The following IL15RA variants were observed in gnomAD, a reference collection of about 807,000 sequenced individuals.
The protein encoded by IL15RA is interleukin 15 receptor subunit alpha.
In IL15RA, 26 loss-of-function variants were observed where a neutral mutation model predicts 24.2. The ratio of observed to expected loss-of-function variants is 1.07; its 90% CI spans 0.79 to 1.49. The LOEUF is 1.49. IL15RA is among the 40% of genes most tolerant of loss of function. The probability of loss-of-function intolerance (pLI) is 0.00; values close to 1 mark genes in which losing one functional copy is unlikely to be tolerated. For missense variants in IL15RA, 354 were observed against 356.4 expected (o/e 0.99, Z 0.05); for synonymous variants, 166 against 157.6 (o/e 1.05, Z -0.40).
chr10:5,956,227 C>T, intron 6 of IL15RA, 152 bp downstream of exon 6: 2 of 623,536 alleles, frequency 3.2e-6, no homozygotes, highest in Non-Finnish European at 5.8e-6. Flanking sequence ...GTTGGCCAGG[C>T]TGGTCTCAAA....
rs1399684814 is a variant in IL15RA at position 5,973,290 on chromosome 10, A to AT, written c.88+4114dup. ...ATGAACATGGTATATCTCTCCATTG[A>AT]TTTTGTTCCTTAATTTCTCTAAGCA... On this transcript the variant is annotated intron_variant, in intron 1 of 6. Transcript: ENST00000379977. The surrounding 1 kb of genome is among the most constrained non-coding windows in gnomAD (Gnocchi z 4.5). Among the ~76,000 whole-genome samples the AT allele has an allele frequency of 6.6e-6, 1 of 152,170 alleles. No homozygotes were observed. The highest frequency in any genetic ancestry group is 1.5e-5 in the Non-Finnish European group (1 of 68,032).
At chr10:5,956,040 A>T (rs1834471986) in intron 6 of IL15RA, among the ~76,000 whole-genome samples, 1 of 151,830 alleles carries the variant, frequency 6.6e-6, no homozygotes, top group South Asian at 2.1e-4. Context: ...TTTGAGACAG[A>T]GTCTTGCTCT....
chr10:5,973,040 G>A lies in IL15RA; in HGVS notation c.88+4365C>T, dbSNP rs1375113572. On this transcript the variant is annotated intron_variant, in intron 1 of 6. Coordinates refer to ENST00000379977, the MANE Select transcript of IL15RA (RefSeq NM_002189.4). The surrounding 1 kb of genome is among the most constrained non-coding windows in gnomAD (Gnocchi z 4.5). ...AAAAGCGAACTGAAATTGGTGGCTA[G>A]GGATATTTGTCTTCAAACAAAGCAG... is the stretch of plus-strand genomic sequence containing the variant. Among the ~76,000 whole-genome samples the A allele has an allele frequency of 6.6e-6, 1 of 152,220 alleles. No homozygotes were observed. Among genetic ancestry groups the A allele is most frequent in the African/African-American group, 2.4e-5 (1 of 41,444 alleles).
intron 1 of IL15RA, among the ~76,000 whole-genome samples, chr10:5,976,234 C>T (rs1164608819): frequency 6.7e-6 from 1 of 149,826 alleles, no homozygotes; most frequent in Non-Finnish European, 1.5e-5. Flanking sequence ...GCATCAGAGT[C>T]TCATGAAAAC....
In IL15RA at chr10:5,968,552, A is replaced by T; in HGVS notation, c.89-2213T>A. On this transcript the variant is annotated intron_variant, in intron 1 of 6. Coordinates refer to ENST00000379977, the MANE Select transcript of IL15RA (RefSeq NM_002189.4). The surrounding 1 kb of genome is among the most constrained non-coding windows in gnomAD (Gnocchi z 5.4). ...CGTGAGAGATGGAGTCGATCTCACA[A>T]GTTGTTGAGGTGGATTTGGATGCTG... is the stretch of plus-strand genomic sequence containing the variant. 1.8e-6 allele frequency: 1 copy of T among 556,578 alleles called. No individual in the cohort carries two copies. The highest frequency in any genetic ancestry group is 2.2e-5 in the South Asian group (1 of 45,504). 34.5% of individuals were successfully genotyped at this position (556,578 alleles called of 1,614,324 possible).
chr10:5,976,369 C>A (rs937577417), intron 1 of IL15RA, among the ~76,000 whole-genome samples: 3 of 152,174 alleles, frequency 2.0e-5, no homozygotes, highest in Non-Finnish European at 2.9e-5. Flanking sequence ...CAGACTGGCC[C>A]GACTGGATGT....
At chr10:5,977,560 G>A, upstream of IL15RA, 1 of 1,272,008 alleles carries the variant, frequency 7.9e-7, no homozygotes, top group South Asian at 2.7e-5. Flanking sequence ...GGGAGGTGGC[G>A]AGCGCTGCTC....
intron 6 of IL15RA, among the ~76,000 whole-genome samples, chr10:5,956,091 T>G (rs1834479124): frequency 6.6e-6 from 1 of 152,170 alleles, no homozygotes. Flanking sequence ...CTTGGCTCAC[T>G]GCAACCTCCG....
chr10:5,963,028 T>C lies in IL15RA; in HGVS notation c.382+715A>G, dbSNP rs547198409. On this transcript the variant is annotated intron_variant, in intron 3 of 6. Transcript: ENST00000379977. The surrounding 1 kb of genome is among the most constrained non-coding windows in gnomAD (Gnocchi z 5.3). Reference sequence around the variant, plus strand: ...TAATAGAGCAGTCACTGGGATGTGCTGGTGTTTAGGTCTGGTGGGGGCAGC... The same window carrying C: ...TAATAGAGCAGTCACTGGGATGTGCCGGTGTTTAGGTCTGGTGGGGGCAGC... 3.3e-5 allele frequency among the ~76,000 whole-genome samples: 5 copies of C among 152,336 alleles called. No individual in the cohort carries two copies. In the South Asian group the frequency reaches 1.0e-3, roughly 32 times the overall value.
At position 5,962,591 on chromosome 10, in the gene IL15RA, CAAAAA is replaced by C. The variant is rs1353262028; in HGVS notation, c.382+1147_382+1151del. On this transcript the variant is annotated intron_variant, in intron 3 of 6. Coordinates refer to ENST00000379977, the MANE Select transcript of IL15RA (RefSeq NM_002189.4). The surrounding 1 kb of genome is among the most constrained non-coding windows in gnomAD (Gnocchi z 5.2). ...TGGGCAATAGAGCAAGACCCCATCT[CAAAAA>C]AAAAAAAAAAAAAGATCCACCTGGG... 9.2e-6 allele frequency among the ~76,000 whole-genome samples: 1 copy of C among 108,996 alleles called. No homozygotes were observed. 71.5% of individuals were successfully genotyped at this position (108,996 alleles called of 152,430 possible).
Position 5,970,557 on chromosome 10 carries a change from T to C in IL15RA, c.89-4218A>G, listed in dbSNP as rs1837402380. ...CGGTCCTCAAACCAAGATAAATCTG[T>C]GAATAGTTAATGTTTGAATGTACAA... On this transcript the variant is annotated intron_variant, in intron 1 of 6. Transcript: ENST00000379977. This position sits in a 1 kb window ranked among gnomAD's most constrained non-coding sequence, Gnocchi z 4.1. Among the ~76,000 whole-genome samples, 1 of 152,126 alleles carries C rather than the reference T, an allele frequency of 6.6e-6. No homozygotes were observed. Among genetic ancestry groups the C allele is most frequent in the African/African-American group, 2.4e-5 (1 of 41,420 alleles).
In IL15RA at chr10:5,966,844, C is replaced by G. The variant is rs555173014; in HGVS notation, c.89-505G>C. 2.2e-4 allele frequency among the ~76,000 whole-genome samples: 34 copies of G among 152,174 alleles called. No homozygotes were observed. Among genetic ancestry groups the G allele is most frequent in the African/African-American group, 7.7e-4 (32 of 41,550 alleles). ...AAAATTAGCCGGGCGTGGTGGCAGG[C>G]GCCTGTAATCCCAGCTACTGGGGAG... On this transcript the variant is annotated intron_variant, in intron 1 of 6. Coordinates refer to ENST00000379977, the MANE Select transcript of IL15RA (RefSeq NM_002189.4). The surrounding 1 kb of genome is among the most constrained non-coding windows in gnomAD (Gnocchi z 6.4).
chr10:5,968,595 T>C lies in IL15RA; in HGVS notation c.89-2256A>G, dbSNP rs1837014430. On this transcript the variant is annotated intron_variant, in intron 1 of 6. Transcript: ENST00000379977. This position sits in a 1 kb window ranked among gnomAD's most constrained non-coding sequence, Gnocchi z 5.4. ...GGATGCTGCTGTTGCTATGGTTACC[T>C]GCAGAGCCCCACTGGCTTTGAGGCC... 1 of 587,482 alleles carries C rather than the reference T, an allele frequency of 1.7e-6. No individual in the cohort carries two copies. Among genetic ancestry groups the C allele is most frequent in the Non-Finnish European group, 3.0e-6 (1 of 329,394 alleles). 36.4% of individuals were successfully genotyped at this position (587,482 alleles called of 1,614,324 possible).
rs1298356074 is a variant in IL15RA at position 5,953,016 on chromosome 10, G to T, written c.*79C>A. On this transcript the variant is annotated 3_prime_UTR_variant, in exon 7 of 7. Transcript: ENST00000379977. This position sits in a 1 kb window ranked among gnomAD's most constrained non-coding sequence, Gnocchi z 5.3. ...GCTTGCTCCTGGAGCCCGCTTCCTTGCACCTCTTCTCAGTCGTCTTTAGCT... is the reference window on the plus strand; with the variant it reads ...GCTTGCTCCTGGAGCCCGCTTCCTTTCACCTCTTCTCAGTCGTCTTTAGCT... 2.1e-5 allele frequency: 22 copies of T among 1,063,378 alleles called. No individual in the cohort carries two copies. The East Asian group carries it at 5.2e-4, about 25-fold the overall frequency. 65.9% of individuals were successfully genotyped at this position (1,063,378 alleles called of 1,614,324 possible). A position where few individuals can be genotyped will look rare whatever the true frequency, so the allele number is the denominator to read the frequency against.
rs1835051345 is a variant in IL15RA at position 5,959,148 on chromosome 10, A to G, written c.616+606T>C. ...ATTTTTGGTTTTATTTTGTTTTGTT[A>G]ACTTTTTTTCTTTTTCTTTTTCTTT... On this transcript the variant is annotated intron_variant, in intron 5 of 6. Coordinates refer to ENST00000379977, the MANE Select transcript of IL15RA (RefSeq NM_002189.4). This position sits in a 1 kb window ranked among gnomAD's most constrained non-coding sequence, Gnocchi z 4.1. Among the ~76,000 whole-genome samples, 1 of 148,602 alleles carries G rather than the reference A, an allele frequency of 6.7e-6. No individual in the cohort carries two copies.
In IL15RA at chr10:5,971,566, G is replaced by T. The variant is rs1837614327; in HGVS notation, c.89-5227C>A. Among the ~76,000 whole-genome samples, 1 of 152,132 alleles carries T rather than the reference G, an allele frequency of 6.6e-6. No homozygotes were observed. The highest frequency in any genetic ancestry group is 1.5e-5 in the Non-Finnish European group (1 of 68,014). On this transcript the variant is annotated intron_variant, in intron 1 of 6. Coordinates refer to ENST00000379977, the MANE Select transcript of IL15RA (RefSeq NM_002189.4). This position sits in a 1 kb window ranked among gnomAD's most constrained non-coding sequence, Gnocchi z 5.5. ...CAGAATGGACTCCAACATTCCCCTC[G>T]CTTACAGCACCTTTCAAATGCCTGC...
downstream of IL15RA, chr10:5,949,405 T>G: frequency 2.1e-6 from 1 of 469,770 alleles, no homozygotes; most frequent in South Asian, 1.6e-5. This position sits in a 1 kb window ranked among gnomAD's most constrained non-coding sequence, Gnocchi z 4.4. Flanking sequence ...ACCTAAAATA[T>G]GCACACATTG....
In IL15RA at chr10:5,953,006, C is replaced by T. The variant is rs1488593540; in HGVS notation, c.*89G>A. Reference sequence around the variant, plus strand: ...GGCCTGGTGAGCTTGCTCCTGGAGCCCGCTTCCTTGCACCTCTTCTCAGTC... The same window carrying T: ...GGCCTGGTGAGCTTGCTCCTGGAGCTCGCTTCCTTGCACCTCTTCTCAGTC... On this transcript the variant is annotated 3_prime_UTR_variant, in exon 7 of 7. Transcript: ENST00000379977. The surrounding 1 kb of genome is among the most constrained non-coding windows in gnomAD (Gnocchi z 5.3). 2.1e-6 allele frequency: 2 copies of T among 970,092 alleles called. No homozygotes were observed. Among genetic ancestry groups the T allele is most frequent in the Non-Finnish European group, 3.3e-6 (2 of 614,898 alleles). 60.1% of individuals were successfully genotyped at this position (970,092 alleles called of 1,614,324 possible).
Position 5,963,165 on chromosome 10 carries a change from G to T in IL15RA, c.382+578C>A, listed in dbSNP as rs41309778. On this transcript the variant is annotated intron_variant, in intron 3 of 6. Coordinates refer to ENST00000379977, the MANE Select transcript of IL15RA (RefSeq NM_002189.4). The surrounding 1 kb of genome is among the most constrained non-coding windows in gnomAD (Gnocchi z 5.3). Reference sequence around the variant, plus strand: ...CTACAGCAAGCGCCTTGGAAGACGGGGACATGGTCTCCCCTGGAGCAGAGA... The same window carrying T: ...CTACAGCAAGCGCCTTGGAAGACGGTGACATGGTCTCCCCTGGAGCAGAGA... 6.6e-6 allele frequency among the ~76,000 whole-genome samples: 1 copy of T among 152,180 alleles called. No homozygotes were observed. The highest frequency in any genetic ancestry group is 2.4e-5 in the African/African-American group (1 of 41,442).
Sources: allele counts gnomAD v4.1 joint callset (sites outside exome capture counted in the v4.1 genomes callset), GRCh38; gene constraint gnomAD v4.1.1; non-coding constraint Gnocchi (gnomAD v3.1); transcripts MANE v1.5; gene names NCBI Gene and HGNC (gene_info 2026-07-23, HGNC 2026-07-21).